Variants in ADCY4 observed in about 807,000 individuals in gnomAD.
ADCY4 encodes adenylate cyclase 4.
ADCY4 carries 111 observed loss-of-function variants against 125.5 expected under a neutral mutation model. The ratio of observed to expected loss-of-function variants is 0.88; its 90% confidence interval spans 0.76 to 1.04. The LOEUF is 1.04. Among genes scored for constraint, ADCY4 ranks in the 50% least tolerant of loss-of-function variants. The probability of loss-of-function intolerance (pLI) is 0.00; values close to 1 mark genes in which losing one functional copy is unlikely to be tolerated. For missense variants in ADCY4, 1,256 were observed against 1,382.9 expected, an observed-to-expected ratio of 0.91 and a Z score of 1.46; for synonymous variants, 576 against 586.9, an observed-to-expected ratio of 0.98 and a Z score of 0.27.
chr14:24,326,763 T>A (rs1355522948), intron 10 of ADCY4, among the ~76,000 whole-genome samples: 4 of 152,102 alleles, frequency 2.6e-5, no homozygotes, highest in Non-Finnish European at 5.9e-5. Flanking sequence ...CCAGCTAATT[T>A]TTGCATTTTT....
At chr14:24,324,421 G>T in intron 14 of ADCY4, 30 bp from the exon 15 acceptor site, 1 of 1,588,068 alleles carries the variant, frequency 6.3e-7, no homozygotes, top group Non-Finnish European at 8.6e-7. Flanking sequence ...AGGCCTTGAA[G>T]TGCCAGAACA....
rs758613244 is a variant in ADCY4, at chr14:24,326,085, G to A, written c.1649C>T (p.Ser550Leu). 7 of 1,578,274 alleles carry A rather than the reference G, an allele frequency of 4.4e-6. No homozygotes were observed. In the African/African-American group the frequency reaches 8.1e-5, roughly 18 times the overall value. ...KFFQVIEQLN[S>L]QKQWKQSKDF... is the part of the protein sequence containing the mutation. ...CCCTCTTTGTTCTCCGTACTTCTGC[G>A]AGTTGAGCTGCTCAATGACCTGGAA... Residue 550 changes from serine (S) to leucine (L), a missense_variant, in exon 12 of 25, where the codon TCG (serine) becomes TTG (leucine). Transcript: ENST00000418030.
chr14:24,326,786 G>T (rs893588390), intron 10 of ADCY4, among the ~76,000 whole-genome samples: 2 of 151,968 alleles, frequency 1.3e-5, no homozygotes, highest in African/African-American at 4.8e-5. Flanking sequence ...TAGAGATGGG[G>T]TTTCACCATG....
intron 8 of ADCY4, 118 bp from the exon 9 acceptor site, chr14:24,329,651 T>C: frequency 4.2e-6 from 6 of 1,436,786 alleles, no homozygotes; most frequent in Non-Finnish European, 5.5e-6. Flanking sequence ...TAAAGATCGT[T>C]CCTGGATGTC....
At chr14:24,326,719 A>G (rs2041952104) in intron 10 of ADCY4, among the ~76,000 whole-genome samples, 1 of 151,706 alleles carries the variant, frequency 6.6e-6, no homozygotes. Flanking sequence ...TCAGCCTTCC[A>G]GGTGGCTGGG....
chr14:24,324,444 G>T, intron 14 of ADCY4, 53 bp from the exon 15 acceptor site: 3 of 1,546,424 alleles, frequency 1.9e-6, no homozygotes, highest in Non-Finnish European at 2.7e-6. Flanking sequence ...CTCCCTGTGT[G>T]CTATGAAGGT....
chr14:24,329,187 CG>C lies in ADCY4; in HGVS notation c.1397del (p.Ser466CysfsTer12), dbSNP rs2041999314. The C allele has an allele frequency of 6.2e-7, 1 of 1,613,886 alleles. No homozygotes were observed. The highest frequency in any genetic ancestry group is 8.5e-7 in the Non-Finnish European group (1 of 1,179,884). The part of the protein sequence containing the change: ...EKGTAGGLLS[S>X]LEGLKMRPSL... ...ATGGACGCATCTTGAGGCCCTCAAGCGAGGACAGCAAGCCTCCTGCAGTGCC... is the reference window on the plus strand; with the variant it reads ...ATGGACGCATCTTGAGGCCCTCAAGCAGGACAGCAAGCCTCCTGCAGTGCC... On this transcript the variant is annotated frameshift_variant, in exon 10 of 25. Transcript: ENST00000418030. LOFTEE classifies it high-confidence loss of function.
chr14:24,330,498 C>G, intron 6 of ADCY4: 1 of 684,420 alleles, frequency 1.5e-6, no homozygotes, highest in Non-Finnish European at 2.3e-6. Flanking sequence ...AAGAGTTTCC[C>G]CAAGGGCTGG....
At chr14:24,330,416 T>C in intron 6 of ADCY4, 121 bp from the exon 7 acceptor site, 1 of 1,403,286 alleles carries the variant, frequency 7.1e-7, no homozygotes, top group Non-Finnish European at 9.9e-7. Flanking sequence ...TGGGGTAGTG[T>C]CTAGATCAGA....
rs1423241769 is a variant in ADCY4, at chr14:24,334,620, G to A, written c.33C>T (p.Pro11=). The part of the protein sequence containing the change: MARLFSPRPP[P]SEDLFYETYY... Reference sequence around the variant, plus strand: ...AGGTCTCGTAGAAGAGGTCTTCGCTGGGGGGCGGCCGGGGGCTGAAGAGGC... The same window carrying A: ...AGGTCTCGTAGAAGAGGTCTTCGCTAGGGGGCGGCCGGGGGCTGAAGAGGC... The change falls in exon 1 of 25, where the codon CCC becomes CCT. Residue 11 remains proline, a synonymous_variant. Coordinates refer to ENST00000418030, the MANE Select transcript of ADCY4 (RefSeq NM_001198568.2). 1.9e-6 allele frequency: 3 copies of A among 1,558,398 alleles called. No homozygotes were observed. In the African/African-American group the frequency reaches 4.1e-5, roughly 21 times the overall value.
At chr14:24,329,634 T>C (rs1463746457) in intron 8 of ADCY4, 101 bp from the exon 9 acceptor site, 10 of 1,459,518 alleles carry the variant, frequency 6.9e-6, no homozygotes, top group South Asian at 1.4e-5. Context: ...AAACATCTCA[T>C]GTCTTTTAAA....
At chr14:24,325,737 G>T in intron 13 of ADCY4, 81 bp downstream of exon 13, 1 of 1,495,898 alleles carries the variant, frequency 6.7e-7, no homozygotes, top group South Asian at 1.2e-5. Flanking sequence ...ACTTGGGGAG[G>T]AGACCCAAGG....
In ADCY4 at chr14:24,323,074, G is replaced by A. The variant is rs1173639399; in HGVS notation, c.2172C>T (p.Cys724=). 6.2e-6 allele frequency: 10 copies of A among 1,614,134 alleles called. No individual in the cohort carries two copies. Among genetic ancestry groups the A allele is most frequent in the Non-Finnish European group, 8.5e-6 (10 of 1,179,998 alleles). The change falls in exon 18 of 25, where the codon TGC becomes TGT. Residue 724 remains cysteine, a synonymous_variant. Transcript: ENST00000418030. The part of the protein sequence containing the change: ...PLISVPYSMH[C]CTLGFLSCSL... ...AGCAGGAGAGGAAGCCCAGCGTGCA[G>A]CAGTGCATGGAGTACTGTGGGGCCA...
chr14:24,323,788 T>A, intron 16 of ADCY4: 1 of 506,398 alleles, frequency 2.0e-6, no homozygotes, highest in Non-Finnish European at 2.5e-6. Flanking sequence ...GGAATGAGTC[T>A]AAATCCTGAA....
At chr14:24,332,730 A>C in intron 2 of ADCY4, 47 bp from the exon 3 acceptor site, 1 of 1,549,814 alleles carries the variant, frequency 6.5e-7, no homozygotes. Context: ...GGGCTATTCA[A>C]GGCCTGGTGA....
chr14:24,322,256 C>G (rs1247991478), intron 19 of ADCY4, 32 bp from the exon 20 acceptor site: 1 of 1,594,828 alleles, frequency 6.3e-7, no homozygotes, highest in East Asian at 2.2e-5. Context: ...CATGGGGAGA[C>G]ACAGAGCAGG....
chr14:24,318,486 C>T lies in ADCY4; in HGVS notation c.3164G>A (p.Gly1055Glu). 1 of 1,614,162 alleles carries T rather than the reference C, an allele frequency of 6.2e-7. No individual in the cohort carries two copies. ...GTTCAGGAAGTAGGTGCAGAGCTGC[C>T]CTTTGCCTTTCACCTTGATGACACC... ...SRGVIKVKGK[G>E]QLCTYFLNTD... The change falls in exon 25 of 25, where the codon GGG becomes GAG. Residue 1055 changes from glycine (G) to glutamate (E), a missense_variant. Gly to Glu is a moderately conservative substitution (Grantham distance 98, BLOSUM62 -2). Transcript: ENST00000418030.
Position 24,329,496 on chromosome 14 carries a change from C to A in ADCY4, c.1255G>T (p.Ala419Ser). 1.3e-6 allele frequency: 2 copies of A among 1,564,014 alleles called. No homozygotes were observed. The highest frequency in any genetic ancestry group is 2.4e-5 in the South Asian group (2 of 83,278). ...GCGTCCTCCACAGCATAAGCCCCTGCCAGCAGGGCCAGGGTAGCCCCTGTG... is the reference window on the plus strand; with the variant it reads ...GCGTCCTCCACAGCATAAGCCCCTGACAGCAGGGCCAGGGTAGCCCCTGTG... ...HITGATLALL[A>S]GAYAVEDAGM... The change falls in exon 9 of 25, where the codon GCA becomes TCA. Residue 419 changes from alanine to serine, a missense_variant. By Grantham distance (99) the Ala-to-Ser change is moderately conservative. Coordinates refer to ENST00000418030, the MANE Select transcript of ADCY4 (RefSeq NM_001198568.2).
At position 24,325,383 on chromosome 14, in the gene ADCY4, G is replaced by T; in HGVS notation, c.1817C>A (p.Thr606Lys). ...TTGCCTGGGGCACTCTCACCTGTTT[G>T]TCACTAGCATCTGGATGATGAAGTT... Reference protein sequence around the residue: ...LSNFIIQMLVTNRPPALAITY... With the variant: ...LSNFIIQMLVKNRPPALAITY... Residue 606 changes from threonine (T) to lysine (K), a missense_variant, in exon 14 of 25, where the codon ACA becomes AAA. Thr to Lys is a moderately conservative substitution (Grantham distance 78). Transcript: ENST00000418030. The T allele has an allele frequency of 6.2e-7, 1 of 1,613,384 alleles. No homozygotes were observed. Among genetic ancestry groups the T allele is most frequent in the South Asian group, 1.1e-5 (1 of 91,072 alleles).
Sources: gnomAD v4.1 joint callset for allele counts (sites outside exome capture counted in the v4.1 genomes callset) on GRCh38, gnomAD v4.1.1 for gene constraint, MANE v1.5 for transcripts, NCBI Gene and HGNC (gene_info 2026-07-23, HGNC 2026-07-21) for gene names.